Variants in RASSF6 observed in about 807,000 individuals in gnomAD.
The protein encoded by RASSF6 is Ras association domain family member 6.
Under a neutral mutation model 44.0 loss-of-function variants are expected in RASSF6, and 52 were observed. The ratio of observed to expected loss-of-function variants is 1.18; its 90% CI spans 0.95 to 1.49. The LOEUF (loss-of-function observed/expected upper bound fraction) is 1.49, where lower values mean the gene tolerates loss of function less well. Ranked by LOEUF, RASSF6 falls within the 40% of genes most tolerant of loss-of-function variation. The pLI is 0.00. For missense variants in RASSF6, 464 were observed against 393.3 expected (o/e 1.18, Z -1.52); for synonymous variants, 162 against 124.6 (o/e 1.30, Z -2.00).
chr4:73,605,720 T>C (rs1404136558), intron 2 of RASSF6, among the ~76,000 whole-genome samples: 1 of 152,236 alleles, frequency 6.6e-6, no homozygotes, highest in African/African-American at 2.4e-5. Flanking sequence ...GAATTCTGTC[T>C]CACTCTTCCA....
At chr4:73,602,963 T>C (rs557008595) in intron 2 of RASSF6, among the ~76,000 whole-genome samples, 2 of 151,964 alleles carry the variant, frequency 1.3e-5, no homozygotes, top group Admixed American at 6.5e-5. Context: ...TGGCGGGCGC[T>C]TGTAGTCCCA....
chr4:73,578,994 T>C (rs1195201623), intron 8 of RASSF6, among the ~76,000 whole-genome samples: 1 of 152,166 alleles, frequency 6.6e-6, no homozygotes, highest in South Asian at 2.1e-4. Flanking sequence ...TATCACTCCA[T>C]ACCTTTCTCC....
At chr4:73,577,803 AT>A (rs1382010030) in intron 8 of RASSF6, among the ~76,000 whole-genome samples, 1 of 152,208 alleles carries the variant, frequency 6.6e-6, no homozygotes, top group Non-Finnish European at 1.5e-5. Context: ...ATTATTAAAA[AT>A]AATGATTAAA....
chr4:73,611,683 C>G (rs1335856968), intron 2 of RASSF6, 48 bp downstream of exon 2: 3 of 1,258,454 alleles, frequency 2.4e-6, no homozygotes, highest in African/African-American at 1.5e-5. Context: ...GTATATTCCA[C>G]AAATGACTGG....
In RASSF6 at chr4:73,576,259, T is replaced by G; in HGVS notation, c.990A>C (p.Val330=). ...IILKCLQNKL[V]IKTETTV Reference sequence around the variant, plus strand: ...GCTAAACTGTTGTCTCTGTTTTTATTACTAGTTTATTTTGAAGACATTTCA... The same window carrying G: ...GCTAAACTGTTGTCTCTGTTTTTATGACTAGTTTATTTTGAAGACATTTCA... Residue 330 remains valine, a synonymous_variant, in exon 11 of 11, where the codon GTA becomes GTC. Coordinates refer to ENST00000307439, the MANE Select transcript of RASSF6 (RefSeq NM_177532.5). 1 of 1,560,400 alleles carries G rather than the reference T, an allele frequency of 6.4e-7. No individual in the cohort carries two copies. The highest frequency in any genetic ancestry group is 8.8e-7 in the Non-Finnish European group (1 of 1,135,768).
intron 2 of RASSF6, among the ~76,000 whole-genome samples, chr4:73,610,004 GT>G (rs1725897677): frequency 6.6e-6 from 1 of 152,096 alleles, no homozygotes; most frequent in African/African-American, 2.4e-5. Flanking sequence ...TCAGAAGCAG[GT>G]GGTCCATGGA....
intron 1 of RASSF6, among the ~76,000 whole-genome samples, chr4:73,613,034 C>T (rs556476817): frequency 6.6e-6 from 1 of 152,268 alleles, no homozygotes; most frequent in South Asian, 2.1e-4. Flanking sequence ...CCTTTTAGTC[C>T]CCAGTGGGAA....
At position 73,571,777 on chromosome 4, in the gene RASSF6, C is replaced by T. The variant is rs368173310; in HGVS notation, c.*4458G>A. ...AAAGATAAATGTGACACATTCTTTA[C>T]CATTAATAATAATATATATTATCTA... On this transcript the variant is annotated 3_prime_UTR_variant, in exon 11 of 11. Coordinates refer to ENST00000307439, the MANE Select transcript of RASSF6 (RefSeq NM_177532.5). 3 of 151,774 alleles carry T rather than the reference C, an allele frequency of 2.0e-5. No homozygotes were observed. In the East Asian group the frequency reaches 5.8e-4, roughly 29 times the overall value. 9.4% of individuals were successfully genotyped at this position (151,774 alleles called of 1,614,324 possible).
chr4:73,583,718 T>G (rs901127234), intron 6 of RASSF6, among the ~76,000 whole-genome samples: 7 of 152,054 alleles, frequency 4.6e-5, no homozygotes, highest in Non-Finnish European at 8.8e-5. Flanking sequence ...CAGCTTGAGC[T>G]CATTCAATCA....
intron 3 of RASSF6, among the ~76,000 whole-genome samples, chr4:73,598,247 T>G (rs1215138979): frequency 6.6e-6 from 1 of 152,180 alleles, no homozygotes; most frequent in Non-Finnish European, 1.5e-5. Flanking sequence ...CAAATCAAAT[T>G]TGACATTACA....
rs758666000 is a variant in RASSF6 at position 73,611,766 on chromosome 4, A to C, written c.30T>G (p.Ser10=). The change falls in exon 2 of 11, where the codon TCT becomes TCG. Residue 10 remains serine (S), a synonymous_variant. Coordinates refer to ENST00000307439, the MANE Select transcript of RASSF6 (RefSeq NM_177532.5). MTMMAHQYP[S]WIFINEKTFI... ...ATGTCTTCTCATTAATGAAGATCCAAGAGGGGTACTGGTGAGCCATCATAG... is the reference window on the plus strand; with the variant it reads ...ATGTCTTCTCATTAATGAAGATCCACGAGGGGTACTGGTGAGCCATCATAG... The C allele has an allele frequency of 5.6e-6, 9 of 1,611,186 alleles. No homozygotes were observed. The Admixed American group carries it at 1.5e-4, about 27-fold the overall frequency.
At position 73,587,950 on chromosome 4, in the gene RASSF6, T is replaced by A. The variant is rs756208723; in HGVS notation, c.288-16A>T. 1 of 1,518,292 alleles carries A rather than the reference T, an allele frequency of 6.6e-7. No homozygotes were observed. The highest frequency in any genetic ancestry group is 9.1e-7 in the Non-Finnish European group (1 of 1,095,080). 94.1% of individuals were successfully genotyped at this position (1,518,292 alleles called of 1,614,324 possible). On this transcript the variant is annotated splice_polypyrimidine_tract_variant and intron_variant, in intron 4 of 10. Transcript: ENST00000307439. ...GCGTGTCATTCTGAGAAGTAATAAA[T>A]CTTGTAAGTACATCAGTTCCATTTA...
intron 1 of RASSF6, among the ~76,000 whole-genome samples, chr4:73,612,657 A>G (rs1726107081): frequency 6.6e-6 from 1 of 152,150 alleles, no homozygotes; most frequent in Non-Finnish European, 1.5e-5. Context: ...TTCTATTCTC[A>G]TAAAATCTCT....
At chr4:73,591,634 C>A (rs1342295007) in intron 4 of RASSF6, among the ~76,000 whole-genome samples, 1 of 152,098 alleles carries the variant, frequency 6.6e-6, no homozygotes, top group East Asian at 1.9e-4. Flanking sequence ...AAATGTGGGG[C>A]TCTCTCAGGC....
At chr4:73,577,435 C>CAA (rs1172147317) in intron 8 of RASSF6, among the ~76,000 whole-genome samples, 2 of 152,102 alleles carry the variant, frequency 1.3e-5, no homozygotes, top group Admixed American at 1.3e-4. Flanking sequence ...AAAGCATGAA[C>CAA]AAAACATAGT....
intron 8 of RASSF6, among the ~76,000 whole-genome samples, chr4:73,579,774 A>G (rs2149363953): frequency 6.6e-6 from 1 of 152,086 alleles, no homozygotes; most frequent in South Asian, 2.1e-4. Context: ...CATTTATTTT[A>G]TATCTTTTGG....
intron 2 of RASSF6, among the ~76,000 whole-genome samples, chr4:73,600,178 T>A (rs1452182997): frequency 6.6e-6 from 1 of 152,212 alleles, no homozygotes; most frequent in Admixed American, 6.5e-5. Flanking sequence ...ATATTTTACT[T>A]ATTTCCTTAT....
rs1722934696 is a variant in RASSF6 at position 73,571,794 on chromosome 4, T to C, written c.*4441A>G. On this transcript the variant is annotated 3_prime_UTR_variant, in exon 11 of 11. Transcript: ENST00000307439. ...ATTCTTTACCATTAATAATAATATA[T>C]ATTATCTAAAATTTAATTTGAGCTA... The C allele has an allele frequency of 6.6e-6, 1 of 152,054 alleles. No individual in the cohort carries two copies. Among genetic ancestry groups the C allele is most frequent in the Non-Finnish European group, 1.5e-5 (1 of 68,000 alleles). The allele number at this position is 152,054 out of a possible 1,614,324, so 9.4% of individuals were successfully genotyped here. A position where few individuals can be genotyped will look rare whatever the true frequency, so the allele number is the denominator to read the frequency against.
chr4:73,589,377 A>C (rs2149376020), intron 4 of RASSF6, among the ~76,000 whole-genome samples: 1 of 152,228 alleles, frequency 6.6e-6, no homozygotes, highest in African/African-American at 2.4e-5. Context: ...TAATTATCGT[A>C]GAAGGGGGGT....
Sources: gnomAD v4.1 joint callset for allele counts (sites outside exome capture counted in the v4.1 genomes callset) on GRCh38, gnomAD v4.1.1 for gene constraint, MANE v1.5 for transcripts, NCBI Gene and HGNC (gene_info 2026-07-23, HGNC 2026-07-21) for gene names.